The following LINGO2 variants were observed in gnomAD, a reference collection of about 807,000 sequenced individuals.
The protein encoded by LINGO2 is leucine rich repeat and Ig domain containing 2.
In LINGO2, 14 loss-of-function variants were observed where a neutral mutation model predicts 30.6. That is an observed-to-expected ratio of 0.46 (90% CI 0.30 to 0.72). The LOEUF is 0.72. Ranked by LOEUF, LINGO2 falls within the 30% of genes least tolerant of loss-of-function variation. The probability of loss-of-function intolerance (pLI) is 0.07; values close to 1 mark genes in which losing one functional copy is unlikely to be tolerated. For synonymous variants in LINGO2, 317 were observed against 288.5 expected (o/e 1.10, Z -1.00); for missense variants, 729 against 751.7 (o/e 0.97, Z 0.35).
At chr9:28,285,634 T>C (rs1489616640) in intron 4 of LINGO2, among the ~76,000 whole-genome samples, 1 of 152,000 alleles carries the variant, frequency 6.6e-6, no homozygotes, top group Non-Finnish European at 1.5e-5. Context: ...CTCGATCTCC[T>C]GACCTCGTGA....
At chr9:29,135,977 A>T in the LINGO2 span, among the ~76,000 whole-genome samples, 1 of 152,148 alleles carries the variant, frequency 6.6e-6, no homozygotes, top group South Asian at 2.1e-4. Flanking sequence ...AGGCTTAGAC[A>T]TCTAACTTTT....
At chr9:28,185,633 G>T (rs1819513942) in intron 4 of LINGO2, among the ~76,000 whole-genome samples, 1 of 152,138 alleles carries the variant, frequency 6.6e-6, no homozygotes, top group Admixed American at 6.6e-5. Context: ...AAACACAATT[G>T]TAGAAATAGG....
the LINGO2 span, among the ~76,000 whole-genome samples, chr9:29,060,765 C>T: frequency 1.3e-5 from 2 of 151,300 alleles, no homozygotes; most frequent in African/African-American, 4.9e-5. Flanking sequence ...TTAAAAAAAA[C>T]TTACAGGATG....
chr9:27,990,467 C>CG (rs540383744), intron 5 of LINGO2, among the ~76,000 whole-genome samples: 35 of 111,504 alleles, frequency 3.1e-4, no homozygotes, highest in Non-Finnish European at 6.4e-4. Flanking sequence ...TCAATACCCC[C>CG]CCCCCTTTTA....
At chr9:29,185,632 G>A in the LINGO2 span, among the ~76,000 whole-genome samples, 1 of 152,276 alleles carries the variant, frequency 6.6e-6, no homozygotes, top group African/African-American at 2.4e-5. Context: ...GACAATGGAA[G>A]TGGGATTTAG....
intron 4 of LINGO2, among the ~76,000 whole-genome samples, chr9:28,203,108 A>G (rs1820293863): frequency 6.6e-6 from 1 of 152,194 alleles, no homozygotes; most frequent in Non-Finnish European, 1.5e-5. Flanking sequence ...TCCACCTATA[A>G]TGATTGAGAC....
chr9:28,750,977 G>A, the LINGO2 span, among the ~76,000 whole-genome samples: 29 of 151,870 alleles, frequency 1.9e-4, no homozygotes, highest in African/African-American at 7.0e-4. Context: ...GGACAAAGAG[G>A]TTGAGGGCCA....
chr9:28,797,345 TATATATATATATATAGAG>T, the LINGO2 span, among the ~76,000 whole-genome samples: 200 of 70,886 alleles, frequency 2.8e-3, no homozygotes, highest in Non-Finnish European at 4.1e-3. Context: ...TATATATATA[TATATATATATATATAGAG>T]AGAGAGAGAG....
intron 2 of LINGO2, among the ~76,000 whole-genome samples, chr9:28,374,594 T>C (rs1821047800): frequency 6.6e-6 from 1 of 152,138 alleles, no homozygotes; most frequent in Non-Finnish European, 1.5e-5. Flanking sequence ...TTGCCAGATC[T>C]GTACAACCAG....
chr9:28,204,669 C>A (rs934478143), intron 4 of LINGO2, among the ~76,000 whole-genome samples: 1 of 152,090 alleles, frequency 6.6e-6, no homozygotes. Flanking sequence ...GGATTAGTTA[C>A]TTACTTAAAA....
chr9:28,322,842 G>T (rs1825097108), intron 3 of LINGO2, among the ~76,000 whole-genome samples: 1 of 152,130 alleles, frequency 6.6e-6, no homozygotes, highest in South Asian at 2.1e-4. Flanking sequence ...AAATCATTCA[G>T]TGAAAGTAAT....
the LINGO2 span, among the ~76,000 whole-genome samples, chr9:28,681,060 T>C: frequency 6.6e-6 from 1 of 152,100 alleles, no homozygotes; most frequent in Non-Finnish European, 1.5e-5. Context: ...CTTCAAGTAG[T>C]TTTGAAGTTT....
intron 4 of LINGO2, among the ~76,000 whole-genome samples, chr9:28,189,045 G>A (rs999771888): frequency 6.3e-5 from 5 of 79,636 alleles, no homozygotes; most frequent in African/African-American, 2.0e-4. Flanking sequence ...GCTGTTGGAG[G>A]ATATATCCCA....
the LINGO2 span, among the ~76,000 whole-genome samples, chr9:28,857,216 G>T: frequency 6.6e-6 from 1 of 151,942 alleles, no homozygotes; most frequent in Non-Finnish European, 1.5e-5. Context: ...GGAACAGATA[G>T]AATTTTCTAG....
intron 4 of LINGO2, among the ~76,000 whole-genome samples, chr9:28,088,401 T>C (rs911104854): frequency 6.6e-6 from 1 of 152,018 alleles, no homozygotes; most frequent in African/African-American, 2.4e-5. Context: ...ATTGCCAGAC[T>C]ACCCTGATAA....
intron 1 of LINGO2, among the ~76,000 whole-genome samples, chr9:28,667,534 A>T (rs546262680): frequency 2.6e-5 from 4 of 152,258 alleles, no homozygotes; most frequent in Admixed American, 2.0e-4. Flanking sequence ...ATTTGAGGTC[A>T]GGAGTTCAAG....
chr9:28,761,368 G>T, the LINGO2 span, among the ~76,000 whole-genome samples: 2 of 151,744 alleles, frequency 1.3e-5, no homozygotes, highest in Non-Finnish European at 2.9e-5. Flanking sequence ...CACCCATGGG[G>T]AATGAAAGAG....
chr9:28,062,258 T>G (rs1268533508), intron 4 of LINGO2, among the ~76,000 whole-genome samples: 1 of 152,054 alleles, frequency 6.6e-6, no homozygotes, highest in Non-Finnish European at 1.5e-5. Context: ...ACCTTCTTTT[T>G]GGAAGTGTGT....
intron 1 of LINGO2, among the ~76,000 whole-genome samples, chr9:28,547,513 T>C (rs549946417): frequency 2.1e-4 from 32 of 152,220 alleles, no homozygotes; most frequent in Admixed American, 1.4e-3. Context: ...CTAAACTACA[T>C]ATAAAACAAC....
Sources: allele counts gnomAD v4.1 joint callset (sites outside exome capture counted in the v4.1 genomes callset), GRCh38; gene constraint gnomAD v4.1.1; transcripts MANE v1.5; gene names NCBI Gene and HGNC (gene_info 2026-07-23, HGNC 2026-07-21).